The following TRIM5 variants were observed in gnomAD, a reference collection of about 807,000 sequenced individuals.
TRIM5 encodes the protein tripartite motif-containing protein 5.
Under a neutral mutation model 35.6 loss-of-function variants are expected in TRIM5, and 31 were observed. The ratio of observed to expected loss-of-function variants is 0.87; its 90% CI spans 0.65 to 1.18. The LOEUF (loss-of-function observed/expected upper bound fraction) is 1.18. Among genes scored for constraint, TRIM5 ranks in the 50% most tolerant of loss-of-function variants. The pLI is 0.00. For synonymous variants in TRIM5, 243 were observed against 215.6 expected, an observed-to-expected ratio of 1.13 and a Z score of -1.11; for missense variants, 609 against 591.6, an observed-to-expected ratio of 1.03 and a Z score of -0.31.
At chr11:5,599,383 ATATTTATT>A in the TRIM5 span, among the ~76,000 whole-genome samples, 4,993 of 146,898 alleles carry the variant, frequency 0.034, 149 homozygotes, top group East Asian at 0.13. Context: ...TACAATTATT[ATATTTATT>A]TATTTATTTA....
the TRIM5 span, among the ~76,000 whole-genome samples, chr11:5,635,628 A>G: frequency 6.6e-6 from 1 of 152,188 alleles, no homozygotes; most frequent in Non-Finnish European, 1.5e-5. Context: ...ACAAATATAT[A>G]GACAGACAGT....
chr11:5,604,799 T>A, the TRIM5 span: 7 of 619,904 alleles, frequency 1.1e-5, no homozygotes, highest in South Asian at 2.0e-4. Context: ...GGAGAGGAGG[T>A]AAATAGCAAA....
chr11:5,644,298 T>G, the TRIM5 span: 1 of 398,692 alleles, frequency 2.5e-6, no homozygotes, highest in African/African-American at 2.1e-5. Flanking sequence ...AGACTGTACC[T>G]AACTATTAAG....
At chr11:5,602,584 C>T in the TRIM5 span, among the ~76,000 whole-genome samples, 2 of 151,780 alleles carry the variant, frequency 1.3e-5, no homozygotes, top group African/African-American at 2.4e-5. Context: ...ACATCACGAA[C>T]GACAAATGCA....
At chr11:5,630,270 G>A in the TRIM5 span, among the ~76,000 whole-genome samples, 1,023 of 152,214 alleles carry the variant, frequency 6.7e-3, 11 homozygotes, top group Non-Finnish European at 0.011. Context: ...AGGAAGAAAG[G>A]ACTTAAGCCT....
chr11:5,603,786 T>G, the TRIM5 span: 1 of 1,589,680 alleles, frequency 6.3e-7, no homozygotes, highest in South Asian at 1.2e-5. Context: ...CTTTGGCAGG[T>G]TTTAACGTTT....
chr11:5,626,527 G>A, the TRIM5 span: 3 of 152,146 alleles, frequency 2.0e-5, no homozygotes, highest in Non-Finnish European at 2.9e-5. Context: ...TTTTTCCCAC[G>A]GGCTTAAAAG....
the TRIM5 span, chr11:5,595,461 C>T: frequency 1.3e-5 from 2 of 152,120 alleles, no homozygotes; most frequent in Admixed American, 6.5e-5. Context: ...TTTTAATGAT[C>T]GTTTGGCAAA....
chr11:5,654,152 T>C, the TRIM5 span, among the ~76,000 whole-genome samples: 1 of 124,318 alleles, frequency 8.0e-6, no homozygotes, highest in Non-Finnish European at 1.9e-5. Context: ...TTTCAGGCAT[T>C]TCATAGATAT....
intron 4 of TRIM5, among the ~76,000 whole-genome samples, chr11:5,673,390 G>A (rs1230732063): frequency 2.0e-5 from 3 of 152,080 alleles, no homozygotes; most frequent in African/African-American, 7.2e-5. Context: ...AACAATATTA[G>A]TGTATCTTCA....
downstream of TRIM5, among the ~76,000 whole-genome samples, chr11:5,660,731 T>A (rs2133999992): frequency 6.6e-6 from 1 of 152,146 alleles, no homozygotes; most frequent in Non-Finnish European, 1.5e-5. Flanking sequence ...AGTATGGTGG[T>A]TAATACAAAG....
intron 4 of TRIM5, among the ~76,000 whole-genome samples, chr11:5,668,978 T>C (rs995172857): frequency 1.3e-5 from 2 of 152,098 alleles, no homozygotes; most frequent in Non-Finnish European, 2.9e-5. Flanking sequence ...TTCTCTCTTA[T>C]ACCACATTGT....
intron 4 of TRIM5, among the ~76,000 whole-genome samples, chr11:5,673,019 A>G (rs1851688122): frequency 6.6e-6 from 1 of 152,200 alleles, no homozygotes; most frequent in Non-Finnish European, 1.5e-5. Context: ...TAACAACATC[A>G]AAAAAGACAG....
chr11:5,593,127 C>T, the TRIM5 span, among the ~76,000 whole-genome samples: 1 of 152,042 alleles, frequency 6.6e-6, no homozygotes, highest in South Asian at 2.1e-4. Flanking sequence ...GGTGTTTCTC[C>T]CTGAAATTTG....
rs1851024031 is a variant in TRIM5, at chr11:5,665,078, CTAACCCTA to C, written c.1205_1212del (p.Ile402ArgfsTer5). On this transcript the variant is annotated frameshift_variant, in exon 8 of 8. Transcript: ENST00000380034. LOFTEE classifies it low-confidence loss of function (END_TRUNC). ...AAAGCACTACATTTAACTCCTTCCT[CTAACCCTA>C]TAACCCAGTAGCCGTATTTAGGTTG... 2 of 1,614,138 alleles carry C rather than the reference CTAACCCTA, an allele frequency of 1.2e-6. No homozygotes were observed. Among genetic ancestry groups the C allele is most frequent in the Non-Finnish European group, 1.7e-6 (2 of 1,180,024 alleles).
At chr11:5,681,553 T>C (rs966339093) in intron 1 of TRIM5, among the ~76,000 whole-genome samples, 2 of 152,206 alleles carry the variant, frequency 1.3e-5, no homozygotes, top group Non-Finnish European at 1.5e-5. Flanking sequence ...ATTACCCTTA[T>C]CTTGTCTCTC....
chr11:5,676,482 C>G (rs1010753736), intron 4 of TRIM5, among the ~76,000 whole-genome samples: 1 of 152,148 alleles, frequency 6.6e-6, no homozygotes, highest in African/African-American at 2.4e-5. Flanking sequence ...GAAGAACATT[C>G]CATGCTCATG....
chr11:5,661,837 G>GA (rs551392856), downstream of TRIM5, among the ~76,000 whole-genome samples: 81 of 152,212 alleles, frequency 5.3e-4, 1 homozygote, highest in South Asian at 9.9e-3. Flanking sequence ...GCATCTGTTT[G>GA]AAAAAATCCT....
chr11:5,593,726 T>G, the TRIM5 span, among the ~76,000 whole-genome samples: 1 of 152,210 alleles, frequency 6.6e-6, no homozygotes, highest in Admixed American at 6.5e-5. Context: ...ATTGTAATAA[T>G]AACAGGCTGG....
Sources: allele counts gnomAD v4.1 joint callset (sites outside exome capture counted in the v4.1 genomes callset), GRCh38; gene constraint gnomAD v4.1.1; transcripts MANE v1.5; gene names NCBI Gene and HGNC (gene_info 2026-07-23, HGNC 2026-07-21).